The following CELF5 variants were observed in gnomAD, a reference collection of about 807,000 sequenced individuals.
The protein encoded by CELF5 is CUG-BP and ETR-3 like factor 5.
In CELF5, 6 loss-of-function variants were observed where a neutral mutation model predicts 54.9. That is an observed-to-expected ratio of 0.11 (90% CI 0.06 to 0.22). The LOEUF (loss-of-function observed/expected upper bound fraction) is 0.22, where lower values mean the gene tolerates loss of function less well. CELF5 is among the 10% of genes least tolerant of loss of function. The pLI, the probability that CELF5 is intolerant of heterozygous loss-of-function variation, is 1.00. For synonymous variants in CELF5, 271 were observed against 290.9 expected, an observed-to-expected ratio of 0.93 and a Z score of 0.70; for missense variants, 401 against 678.6, an observed-to-expected ratio of 0.59 and a Z score of 4.54.
chr19:3,246,504 G>A (rs1321952170), intron 1 of CELF5, among the ~76,000 whole-genome samples: 1 of 151,906 alleles, frequency 6.6e-6, no homozygotes, highest in Non-Finnish European at 1.5e-5. Flanking sequence ...AAGAGTTCAG[G>A]ACCAGCCTGA....
chr19:3,259,910 T>G (rs908859147), intron 2 of CELF5, among the ~76,000 whole-genome samples: 3 of 152,068 alleles, frequency 2.0e-5, no homozygotes, highest in Non-Finnish European at 4.4e-5. Context: ...AGACCTTGCC[T>G]AGGAAGATAA....
chr19:3,284,526 G>A (rs2080202050), intron 8 of CELF5, among the ~76,000 whole-genome samples: 1 of 152,154 alleles, frequency 6.6e-6, no homozygotes, highest in Non-Finnish European at 1.5e-5. Flanking sequence ...GGGAGACGGG[G>A]CAGGGGATGG....
intron 1 of CELF5, among the ~76,000 whole-genome samples, chr19:3,240,129 C>T (rs28655717): frequency 0.12 from 17,558 of 151,222 alleles, 1,093 homozygotes; most frequent in East Asian, 0.24. Flanking sequence ...CTGCCTCAGC[C>T]TCCTGAGTAG....
In CELF5 at chr19:3,226,440, T is replaced by TCACA. The variant is rs71164666; in HGVS notation, c.259+1475_259+1478dup. 7.5e-3 allele frequency among the ~76,000 whole-genome samples: 895 copies of TCACA among 118,930 alleles called. 20 individuals are homozygous for TCACA. The highest frequency in any genetic ancestry group is 0.022 in the African/African-American group (670 of 29,984). 78.0% of individuals were successfully genotyped at this position (118,930 alleles called of 152,430 possible). A position where few individuals can be genotyped will look rare whatever the true frequency, so the allele number is the denominator to read the frequency against. On this transcript the variant is annotated intron_variant, in intron 1 of 12. Coordinates refer to ENST00000292672, the MANE Select transcript of CELF5 (RefSeq NM_021938.4). Reference sequence around the variant, plus strand: ...CCCCATCTCTTTTCAAAACCAACCATCACACACACACACACACACACACAC... The same window carrying TCACA: ...CCCCATCTCTTTTCAAAACCAACCATCACACACACACACACACACACACACACAC...
chr19:3,273,756 GC>G, intron 2 of CELF5, 115 bp from the exon 3 acceptor site: 1 of 718,322 alleles, frequency 1.4e-6, no homozygotes, highest in Non-Finnish European at 2.5e-6. Flanking sequence ...GTGGTGGGGT[GC>G]TGAGGGCTGG....
chr19:3,244,796 A>G (rs369436677), intron 1 of CELF5, among the ~76,000 whole-genome samples: 4 of 130,812 alleles, frequency 3.1e-5, no homozygotes, highest in African/African-American at 1.2e-4. Flanking sequence ...TGGTATTTGC[A>G]TGCGTCTTGT....
intron 8 of CELF5, among the ~76,000 whole-genome samples, chr19:3,283,901 CA>C: frequency 6.6e-6 from 1 of 152,090 alleles, no homozygotes. Context: ...TAGCTCGCTG[CA>C]GCCTTGAACT....
chr19:3,289,408 G>A (rs2080305005), intron 10 of CELF5, among the ~76,000 whole-genome samples: 1 of 152,234 alleles, frequency 6.6e-6, no homozygotes, highest in South Asian at 2.1e-4. Flanking sequence ...CAGGCTGGGT[G>A]CAATGGCTCA....
At chr19:3,246,076 G>A (rs756477281) in intron 1 of CELF5, among the ~76,000 whole-genome samples, 14 of 152,158 alleles carry the variant, frequency 9.2e-5, no homozygotes, top group African/African-American at 1.4e-4. Context: ...TAAAATATAC[G>A]GACAAGGCCG....
chr19:3,272,845 G>A (rs1477680079), intron 2 of CELF5, among the ~76,000 whole-genome samples: 1 of 152,182 alleles, frequency 6.6e-6, no homozygotes, highest in Non-Finnish European at 1.5e-5. Context: ...TTGTGTCCCA[G>A]GACCAGTGGA....
rs35144942 is a variant in CELF5 at position 3,289,681 on chromosome 19, C to CAAAAAAAA, written c.1187-523_1187-516dup. On this transcript the variant is annotated intron_variant, in intron 10 of 12. Transcript: ENST00000292672. The stretch of plus-strand genomic sequence containing the variant: ...TGGGCGACAGAGCGAGACTCCATCT[C>CAAAAAAAA]AAAAAAAAAAAAAAAAAAAAAAAAA... 2.6e-3 allele frequency among the ~76,000 whole-genome samples: 122 copies of CAAAAAAAA among 47,134 alleles called. 12 individuals carry two copies. Among genetic ancestry groups the CAAAAAAAA allele is most frequent in the Middle Eastern group, 0.038 (2 of 52 alleles). The allele number at this position is 47,134 out of a possible 152,430, so 30.9% of individuals were successfully genotyped here.
chr19:3,269,283 C>G (rs1303946411), intron 2 of CELF5, among the ~76,000 whole-genome samples: 1 of 152,186 alleles, frequency 6.6e-6, no homozygotes, highest in Non-Finnish European at 1.5e-5. Context: ...TCAAGTGATT[C>G]TCCTGTCTCA....
At chr19:3,244,035 G>A (rs1397130407) in intron 1 of CELF5, among the ~76,000 whole-genome samples, 1 of 152,052 alleles carries the variant, frequency 6.6e-6, no homozygotes, top group South Asian at 2.1e-4. Context: ...AATTTGGAGA[G>A]GGGGAGAAGC....
rs2079919474 is a variant in CELF5 at position 3,268,883 on chromosome 19, C to T, written c.343-4989C>T. On this transcript the variant is annotated intron_variant, in intron 2 of 12. Transcript: ENST00000292672. This position sits in a 1 kb window ranked among gnomAD's most constrained non-coding sequence, Gnocchi z 4.4. ...GGTGCAGCGGGGGGGCATTCTGTCA[C>T]CAGCCACGTTCAGGGGGCCATGGCA... 1.3e-5 allele frequency among the ~76,000 whole-genome samples: 2 copies of T among 152,052 alleles called. No homozygotes were observed. The highest frequency in any genetic ancestry group is 3.9e-4 in the East Asian group (2 of 5,166).
chr19:3,261,589 G>C (rs540079183), intron 2 of CELF5, among the ~76,000 whole-genome samples: 2 of 152,196 alleles, frequency 1.3e-5, no homozygotes, highest in African/African-American at 4.8e-5. Flanking sequence ...GGAGGCTGAG[G>C]TAGGAGGATT....
intron 1 of CELF5, among the ~76,000 whole-genome samples, chr19:3,235,586 G>A (rs1461458967): frequency 1.9e-4 from 8 of 43,140 alleles, no homozygotes; most frequent in East Asian, 5.9e-4. Context: ...GGATGGGTGG[G>A]TGGATGGATG....
At position 3,285,927 on chromosome 19, in the gene CELF5, C is replaced by T; in HGVS notation, c.1103-15C>T. 6.4e-7 allele frequency: 1 copy of T among 1,559,082 alleles called. No individual in the cohort carries two copies. The highest frequency in any genetic ancestry group is 8.6e-7 in the Non-Finnish European group (1 of 1,160,308). On this transcript the variant is annotated splice_polypyrimidine_tract_variant and intron_variant, in intron 9 of 12. Coordinates refer to ENST00000292672, the MANE Select transcript of CELF5 (RefSeq NM_021938.4). ...ACGCCCCTCCTCGCCCTGTGTCTCGCTCCGGTCTCCGCAGCCATGTACCCC... is the reference window on the plus strand; with the variant it reads ...ACGCCCCTCCTCGCCCTGTGTCTCGTTCCGGTCTCCGCAGCCATGTACCCC...
At chr19:3,248,810 G>A (rs1345940177) in intron 1 of CELF5, among the ~76,000 whole-genome samples, 1 of 151,800 alleles carries the variant, frequency 6.6e-6, no homozygotes, top group Non-Finnish European at 1.5e-5. Flanking sequence ...TTCTGCAGCA[G>A]CCGTACCATT....
Position 3,272,918 on chromosome 19 carries a change from C to T in CELF5, c.343-954C>T, listed in dbSNP as rs114741627. On this transcript the variant is annotated intron_variant, in intron 2 of 12. Transcript: ENST00000292672. ...CTGTTCTCAACGATCCAAAATAGCT[C>T]ATACCTAGGACTTGGTATGTTGTGA... Among the ~76,000 whole-genome samples, 545 of 152,272 alleles carry T rather than the reference C, an allele frequency of 3.6e-3. 3 individuals are homozygous for T. Among genetic ancestry groups the T allele is most frequent in the African/African-American group, 0.013 (523 of 41,538 alleles).
Sources: allele counts gnomAD v4.1 joint callset (sites outside exome capture counted in the v4.1 genomes callset), GRCh38; gene constraint gnomAD v4.1.1; non-coding constraint Gnocchi (gnomAD v3.1); transcripts MANE v1.5; gene names NCBI Gene and HGNC (gene_info 2026-07-23, HGNC 2026-07-21).